Variants in CTXN2 observed in about 807,000 individuals in gnomAD.
The protein encoded by CTXN2 is cortexin-2.
Under a neutral mutation model 5.7 loss-of-function variants are expected in CTXN2, and 3 were observed. The ratio of observed to expected loss-of-function variants is 0.53; its 90% CI spans 0.24 to 1.36. CTXN2 has a LOEUF of 1.36. Among genes scored for constraint, CTXN2 ranks in the 40% most tolerant of loss-of-function variants. The probability of loss-of-function intolerance (pLI) is 0.17; values close to 1 mark genes in which losing one functional copy is unlikely to be tolerated. For synonymous variants in CTXN2, 38 were observed against 36.4 expected (o/e 1.04, Z -0.16); for missense variants, 87 against 93.0 (o/e 0.94, Z 0.26).
chr15:48,186,166 C>T (rs2040752196), intron 1 of CTXN2, among the ~76,000 whole-genome samples: 1 of 152,072 alleles, frequency 6.6e-6, no homozygotes, highest in African/African-American at 2.4e-5. Context: ...TAGTGGAGGG[C>T]TTAAAGTACA....
chr15:48,191,560 C>T, upstream of CTXN2: 1 of 378,364 alleles, frequency 2.6e-6, no homozygotes, highest in Non-Finnish European at 5.3e-6. Context: ...GCCACAGACA[C>T]ACGCGAGCGC....
At chr15:48,197,266 C>G (rs1422553809) in intron 1 of CTXN2, among the ~76,000 whole-genome samples, 1 of 151,984 alleles carries the variant, frequency 6.6e-6, no homozygotes. Context: ...TGGTTCCCTT[C>G]TAGACATCAT....
intron 1 of CTXN2, among the ~76,000 whole-genome samples, chr15:48,183,765 G>C (rs1878638560): frequency 3.3e-5 from 5 of 152,110 alleles, no homozygotes; most frequent in Admixed American, 2.6e-4. Context: ...TTGCAATATC[G>C]TTCAGGCTAC....
upstream of CTXN2, among the ~76,000 whole-genome samples, chr15:48,187,264 AG>A (rs903275836): frequency 2.6e-5 from 4 of 152,130 alleles, no homozygotes; most frequent in East Asian, 3.9e-4. Flanking sequence ...AAAAAAAAAA[AG>A]GTTGACTTTT....
rs75073016 is a variant in CTXN2, at chr15:48,201,400, G to T, written c.100G>T (p.Val34Phe). ...GGAGCAAAAAACTGGCTTTGCTTTTGTTGGGATTTTGTGTATCTTCTTGGG... is the reference window on the plus strand; with the variant it reads ...GGAGCAAAAAACTGGCTTTGCTTTTTTTGGGATTTTGTGTATCTTCTTGGG... ...TLEQKTGFAFVGILCIFLGLL... is the reference protein window; with the variant it reads ...TLEQKTGFAFFGILCIFLGLL... Residue 34 changes from valine (V) to phenylalanine (F), a missense_variant, in exon 2 of 2, where the codon GTT becomes TTT. Physicochemically the swap from Val to Phe is conservative, Grantham distance 50. Transcript: ENST00000417307. The T allele has an allele frequency of 6.4e-5, 99 of 1,551,396 alleles. No homozygotes were observed. The East Asian group carries it at 2.4e-3, about 37-fold the overall frequency.
At chr15:48,201,108 C>T in intron 1 of CTXN2, 136 bp from the exon 2 acceptor site, 1 of 588,140 alleles carries the variant, frequency 1.7e-6, no homozygotes, top group South Asian at 2.2e-5. Context: ...TGATTCCAAT[C>T]TGTATCTGAT....
At chr15:48,200,746 A>T (rs1278563363) in intron 1 of CTXN2, among the ~76,000 whole-genome samples, 3 of 152,210 alleles carry the variant, frequency 2.0e-5, no homozygotes, top group Non-Finnish European at 2.9e-5. Context: ...TAAGGGGATG[A>T]AAAGAAAGAA....
intron 1 of CTXN2, among the ~76,000 whole-genome samples, chr15:48,181,330 A>G (rs1456614129): frequency 1.3e-5 from 2 of 152,248 alleles, no homozygotes; most frequent in Non-Finnish European, 2.9e-5. Context: ...CTATGACCCA[A>G]GATGGCTGCT....
intron 1 of CTXN2, among the ~76,000 whole-genome samples, chr15:48,179,412 CACACATACACACACACACATACACAA>C (rs1437119227): frequency 2.2e-5 from 1 of 44,730 alleles, no homozygotes; most frequent in Non-Finnish European, 6.7e-4. Flanking sequence ...TCATCACACA[CACACATACACACACACACATACACAA>C]ACACACACAC....
chr15:48,201,245 C>G lies in CTXN2; in HGVS notation c.-56C>G. The G allele has an allele frequency of 6.5e-7, 1 of 1,536,504 alleles. No individual in the cohort carries two copies. Among genetic ancestry groups the G allele is most frequent in the East Asian group, 2.5e-5 (1 of 40,716 alleles). On this transcript the variant is annotated splice_region_variant and 5_prime_UTR_variant, in exon 2 of 2. Coordinates refer to ENST00000417307, the MANE Select transcript of CTXN2 (RefSeq NM_001145668.2). ...AACTGAGTCCAATTTTGTACCTAGG[C>G]AAAGAGTTGATTCCAGAAGGAACTG...
chr15:48,197,692 C>G (rs1052888946), intron 1 of CTXN2, among the ~76,000 whole-genome samples: 1 of 152,046 alleles, frequency 6.6e-6, no homozygotes, highest in Admixed American at 6.6e-5. Flanking sequence ...AGCATTTTCC[C>G]TAGTTATACT....
chr15:48,188,042 T>C (rs912011811), upstream of CTXN2, among the ~76,000 whole-genome samples: 5 of 152,132 alleles, frequency 3.3e-5, no homozygotes, highest in African/African-American at 1.2e-4. Flanking sequence ...AGAATAAATT[T>C]ATAAAACAAC....
Position 48,191,731 on chromosome 15 carries a change from T to C in CTXN2, c.-180T>C, listed in dbSNP as rs1323137783. The C allele has an allele frequency of 4.4e-6, 2 of 455,916 alleles. No individual in the cohort carries two copies. The highest frequency in any genetic ancestry group is 8.8e-6 in the Non-Finnish European group (2 of 226,798). The allele number at this position is 455,916 out of a possible 1,614,324, so 28.2% of individuals were successfully genotyped here. ...AAAGCGCTAACCAGGGCCCTGTGAC[T>C]CTACGCAGGTTCCAGAACACGCCTT... On this transcript the variant is annotated 5_prime_UTR_variant, in exon 1 of 2. Transcript: ENST00000417307.
At chr15:48,195,900 G>A (rs529477686) in intron 1 of CTXN2, among the ~76,000 whole-genome samples, 10 of 152,112 alleles carry the variant, frequency 6.6e-5, no homozygotes, top group African/African-American at 2.4e-4. Context: ...CTATGTTGTT[G>A]TTTCTTTCCT....
intron 1 of CTXN2, among the ~76,000 whole-genome samples, chr15:48,194,438 A>G (rs1454934957): frequency 6.6e-6 from 1 of 152,154 alleles, no homozygotes. Context: ...ATCCAATTCA[A>G]TTTAGTGTCC....
intron 1 of CTXN2, among the ~76,000 whole-genome samples, chr15:48,178,863 G>A (rs937428149): frequency 6.6e-6 from 1 of 152,008 alleles, no homozygotes; most frequent in South Asian, 2.1e-4. Context: ...TTTGTTCTTA[G>A]GGGGTGAGGA....
chr15:48,195,301 C>G lies in CTXN2; in HGVS notation c.-58+3448C>G, dbSNP rs909840704. On this transcript the variant is annotated intron_variant, in intron 1 of 1. Coordinates refer to ENST00000417307, the MANE Select transcript of CTXN2 (RefSeq NM_001145668.2). Reference sequence around the variant, plus strand: ...ACTTTTCTAAATATCTTTCCAACCTCTACCCTCTTTCATACATCTACTCCC... The same window carrying G: ...ACTTTTCTAAATATCTTTCCAACCTGTACCCTCTTTCATACATCTACTCCC... Among the ~76,000 whole-genome samples, 7 of 152,006 alleles carry G rather than the reference C, an allele frequency of 4.6e-5. No individual in the cohort carries two copies. The South Asian group carries it at 1.4e-3, about 31-fold the overall frequency.
In CTXN2 at chr15:48,201,277, G is replaced by A. The variant is rs2040926414; in HGVS notation, c.-24G>A. On this transcript the variant is annotated 5_prime_UTR_variant, in exon 2 of 2. Transcript: ENST00000417307. ...TTGATTCCAGAAGGAACTGTGAAGA[G>A]CCACAACAATGTGCCAGTGAATAAT... 2 of 1,549,902 alleles carry A rather than the reference G, an allele frequency of 1.3e-6. No homozygotes were observed. Among genetic ancestry groups the A allele is most frequent in the African/African-American group, 1.4e-5 (1 of 73,060 alleles).
Position 48,201,754 on chromosome 15 carries a change from G to T in CTXN2, c.*208G>T. On this transcript the variant is annotated 3_prime_UTR_variant, in exon 2 of 2. Coordinates refer to ENST00000417307, the MANE Select transcript of CTXN2 (RefSeq NM_001145668.2). Reference sequence around the variant, plus strand: ...CTGTTCCCACTTAGAGGTTTCCAATGAATAGAGCATAAGGATGGCTGCCGC... The same window carrying T: ...CTGTTCCCACTTAGAGGTTTCCAATTAATAGAGCATAAGGATGGCTGCCGC... The T allele has an allele frequency of 1.7e-6, 1 of 586,460 alleles. No homozygotes were observed. Among genetic ancestry groups the T allele is most frequent in the Non-Finnish European group, 3.1e-6 (1 of 323,836 alleles). 36.3% of individuals were successfully genotyped at this position (586,460 alleles called of 1,614,324 possible). A position where few individuals can be genotyped will look rare whatever the true frequency, so the allele number is the denominator to read the frequency against.
Sources: gnomAD v4.1 joint callset for allele counts (sites outside exome capture counted in the v4.1 genomes callset) on GRCh38, gnomAD v4.1.1 for gene constraint, MANE v1.5 for transcripts, NCBI Gene and HGNC (gene_info 2026-07-23, HGNC 2026-07-21) for gene names.